The following IPO5 variants were observed in gnomAD, a reference collection of about 807,000 sequenced individuals.
IPO5 encodes the protein importin-5.
Under a neutral mutation model 143.3 loss-of-function variants are expected in IPO5, and 18 were observed. The ratio of observed to expected loss-of-function variants is 0.13; its 90% CI spans 0.09 to 0.19. IPO5 has a LOEUF of 0.19. Ranked by LOEUF, IPO5 falls within the 10% of genes least tolerant of loss-of-function variation. The probability of loss-of-function intolerance (pLI) is 1.00; values close to 1 mark genes in which losing one functional copy is unlikely to be tolerated. For synonymous variants in IPO5, 477 were observed against 465.7 expected, an observed-to-expected ratio of 1.02 and a Z score of -0.31; for missense variants, 1,013 against 1,336.9, an observed-to-expected ratio of 0.76 and a Z score of 3.78.
intron 9 of IPO5, 49 bp from the exon 10 acceptor site, chr13:97,992,843 C>CATTATA: frequency 6.4e-7 from 1 of 1,552,852 alleles, no homozygotes; most frequent in African/African-American, 1.4e-5. Flanking sequence ...GCTAATGAGG[C>CATTATA]ATTATAAAGT....
intron 6 of IPO5, among the ~76,000 whole-genome samples, chr13:97,987,749 C>T (rs1380245998): frequency 6.6e-6 from 1 of 152,184 alleles, no homozygotes; most frequent in Non-Finnish European, 1.5e-5. Flanking sequence ...ATGGTCTGCC[C>T]ACCTTGGCCT....
At chr13:97,984,622 G>A (rs557627886) in intron 5 of IPO5, among the ~76,000 whole-genome samples, 1 of 152,142 alleles carries the variant, frequency 6.6e-6, no homozygotes, top group Admixed American at 6.6e-5. Flanking sequence ...ATTTCTCGGT[G>A]AAAAGTAATG....
rs369376300 is a variant in IPO5, at chr13:97,992,894, G to A, written c.672G>A (p.Ala224=). The A allele has an allele frequency of 9.5e-5, 152 of 1,608,254 alleles. No homozygotes were observed. In the East Asian group the frequency reaches 1.0e-3, roughly 11 times the overall value. ...ACTTTCTGTTTCATCTTTTCTAGGC[G>A]GTAAATGACTCGTGCTACCAGAATG... ...FADLLPGFLQ[A]VNDSCYQNDD... is the part of the protein sequence containing the mutation. The change falls in exon 10 of 29, where the codon GCG becomes GCA. Residue 224 remains alanine (A), a splice_region_variant and synonymous_variant. Coordinates refer to ENST00000651721, the MANE Select transcript of IPO5 (RefSeq NM_002271.6).
At chr13:98,019,140 G>A (rs1300892228) in intron 26 of IPO5, among the ~76,000 whole-genome samples, 1 of 151,938 alleles carries the variant, frequency 6.6e-6, no homozygotes, top group Non-Finnish European at 1.5e-5. Context: ...TTTTAGTAGA[G>A]ATGGGGTTTC....
At chr13:97,967,920 C>T (rs184961511) in intron 2 of IPO5, among the ~76,000 whole-genome samples, 22 of 152,110 alleles carry the variant, frequency 1.4e-4, no homozygotes, top group Admixed American at 7.9e-4. Flanking sequence ...CATGAGCCAC[C>T]GCACCCGGCT....
chr13:97,999,017 C>G (rs990534641), intron 12 of IPO5, among the ~76,000 whole-genome samples: 4 of 152,156 alleles, frequency 2.6e-5, no homozygotes, highest in Admixed American at 6.5e-5. Flanking sequence ...GTGGCAGACA[C>G]CTATAATGCC....
intron 2 of IPO5, among the ~76,000 whole-genome samples, chr13:97,961,350 A>T (rs1376658497): frequency 6.6e-6 from 1 of 152,136 alleles, no homozygotes; most frequent in African/African-American, 2.4e-5. Flanking sequence ...CCTAGGAGTG[A>T]AATTACTGAG....
intron 12 of IPO5, among the ~76,000 whole-genome samples, chr13:97,998,832 A>G (rs915472112): frequency 2.6e-5 from 4 of 152,154 alleles, no homozygotes; most frequent in Non-Finnish European, 4.4e-5. Context: ...GCATTATACT[A>G]CCACCTTTTC....
chr13:97,953,867 T>C, intron 1 of IPO5, 151 bp downstream of exon 1: 1 of 455,140 alleles, frequency 2.2e-6, no homozygotes, highest in South Asian at 1.6e-5. Flanking sequence ...ACCACAGTCA[T>C]ACCCAAGAGG....
At position 98,002,728 on chromosome 13, in the gene IPO5, G is replaced by A; in HGVS notation, c.1278G>A (p.Met426Ile). ...CAGCCTGTAATGCCGTGGGACAGAT[G>A]GCTACAGATTTTGCACCTGGTTTCC... Reference protein sequence around the residue: ...RYAACNAVGQMATDFAPGFQK... With the variant: ...RYAACNAVGQIATDFAPGFQK... Residue 426 changes from methionine (M) to isoleucine (I), a missense_variant, in exon 15 of 29, where the codon ATG (methionine) becomes ATA (isoleucine). Physicochemically the swap from Met to Ile is conservative, Grantham distance 10 (BLOSUM62 1). This residue lies in a region of IPO5 where 685 missense variants were observed against 994.9 expected (regional missense o/e 0.69). Transcript: ENST00000651721. 6.2e-7 allele frequency: 1 copy of A among 1,612,668 alleles called. No individual in the cohort carries two copies. Among genetic ancestry groups the A allele is most frequent in the Non-Finnish European group, 8.5e-7 (1 of 1,179,460 alleles).
chr13:98,013,897 A>G (rs1344599909), intron 21 of IPO5, 145 bp from the exon 22 acceptor site: 30 of 629,640 alleles, frequency 4.8e-5, no homozygotes, highest in African/African-American at 3.7e-4. Flanking sequence ...TGTCTTTTCT[A>G]TTTTTATACA....
intron 4 of IPO5, among the ~76,000 whole-genome samples, chr13:97,980,368 C>T (rs533017121): frequency 6.6e-6 from 1 of 152,310 alleles, no homozygotes; most frequent in African/African-American, 2.4e-5. Context: ...ACTCTCCCAC[C>T]ATTGGCTTCT....
chr13:98,020,160 C>G (rs1330331662), intron 27 of IPO5, among the ~76,000 whole-genome samples: 1 of 152,200 alleles, frequency 6.6e-6, no homozygotes, highest in African/African-American at 2.4e-5. Flanking sequence ...CCTCCCACCT[C>G]AGCCTCCCAA....
At chr13:97,978,515 TC>T (rs1445431892) in intron 4 of IPO5, among the ~76,000 whole-genome samples, 1 of 152,140 alleles carries the variant, frequency 6.6e-6, no homozygotes, top group Non-Finnish European at 1.5e-5. Context: ...TAGCATTTGT[TC>T]CTAGAAGTGA....
chr13:97,984,454 A>G (rs1399507942), intron 5 of IPO5, among the ~76,000 whole-genome samples: 3 of 152,222 alleles, frequency 2.0e-5, no homozygotes, highest in Non-Finnish European at 4.4e-5. Context: ...TAGTGACAGC[A>G]TCTTGATTGT....
At chr13:98,000,886 A>G in intron 13 of IPO5, 1 of 526,296 alleles carries the variant, frequency 1.9e-6, no homozygotes. Flanking sequence ...TTTTTATGGA[A>G]TATTAGAATG....
At chr13:97,992,216 A>G (rs779423901) in intron 9 of IPO5, among the ~76,000 whole-genome samples, 1 of 152,212 alleles carries the variant, frequency 6.6e-6, no homozygotes, top group Non-Finnish European at 1.5e-5. Flanking sequence ...CTGGATTTAG[A>G]GTAAGTTAAA....
intron 22 of IPO5, 91 bp from the exon 23 acceptor site, chr13:98,015,439 T>C (rs1198789118): frequency 2.1e-5 from 15 of 711,204 alleles, no homozygotes; most frequent in Non-Finnish European, 3.2e-5. Flanking sequence ...TGAACTGTGT[T>C]CATTTTTCCA....
Sources: gnomAD v4.1 joint callset for allele counts (sites outside exome capture counted in the v4.1 genomes callset) on GRCh38, gnomAD v4.1.1 for gene constraint, gnomAD v4.1.1 regional missense constraint, MANE v1.5 for transcripts, NCBI Gene and HGNC (gene_info 2026-07-23, HGNC 2026-07-21) for gene names.